Variants in RNF6 observed in about 807,000 individuals in gnomAD.
The protein encoded by RNF6 is ring finger protein 6.
RNF6 carries 21 observed loss-of-function variants against 50.1 expected under a neutral mutation model. The observed-to-expected ratio is 0.42, with a 90% CI of 0.30 to 0.60. The LOEUF is 0.60. Among genes scored for constraint, RNF6 ranks in the 20% least tolerant of loss-of-function variants. The pLI is 0.20. For synonymous variants in RNF6, 255 were observed against 291.8 expected (o/e 0.87, Z 1.29); for missense variants, 698 against 838.2 (o/e 0.83, Z 2.07).
chr13:26,208,813 G>A (rs1473603327), downstream of RNF6, among the ~76,000 whole-genome samples: 2 of 152,140 alleles, frequency 1.3e-5, no homozygotes, highest in African/African-American at 4.8e-5. Flanking sequence ...GCCTTCTATC[G>A]TACAATGCAC....
At chr13:26,217,788 C>G (rs1334570613) in intron 4 of RNF6, among the ~76,000 whole-genome samples, 1 of 152,194 alleles carries the variant, frequency 6.6e-6, no homozygotes, top group Non-Finnish European at 1.5e-5. Flanking sequence ...ATGTGGCTAG[C>G]AGCTACTGTA....
At chr13:26,159,711 C>T (rs986154424) in intron 5 of RNF6, among the ~76,000 whole-genome samples, 1 of 151,876 alleles carries the variant, frequency 6.6e-6, no homozygotes, top group Non-Finnish European at 1.5e-5. Context: ...AATATCCTGC[C>T]TAGGGAATTC....
Position 26,153,842 on chromosome 13 carries a change from C to T in RNF6, n.769-21391G>A, listed in dbSNP as rs551144860. Among the ~76,000 whole-genome samples the T allele has an allele frequency of 3.0e-4, 46 of 152,256 alleles. No individual in the cohort carries two copies. The Middle Eastern group carries it at 0.01, about 34-fold the overall frequency. On this transcript the variant is annotated intron_variant and non_coding_transcript_variant, in intron 5 of 5. Coordinates refer to the RNF6 transcript ENST00000468480. Reference sequence around the variant, plus strand: ...TAAAGATCTCGATCAGGATGAACTGCGGGCCAGAGCATCTATTGCTCATCC... The same window carrying T: ...TAAAGATCTCGATCAGGATGAACTGTGGGCCAGAGCATCTATTGCTCATCC...
intron 5 of RNF6, among the ~76,000 whole-genome samples, chr13:26,205,774 G>A (rs1012901186): frequency 6.6e-6 from 1 of 152,228 alleles, no homozygotes; most frequent in African/African-American, 2.4e-5. Flanking sequence ...AGCACTTTCA[G>A]AGGCCAAGGC....
chr13:26,220,881 C>T (rs1870412119), intron 2 of RNF6, among the ~76,000 whole-genome samples: 1 of 152,182 alleles, frequency 6.6e-6, no homozygotes, highest in Non-Finnish European at 1.5e-5. Flanking sequence ...AATTAGCCTA[C>T]AAGTCTAAAA....
chr13:26,215,659 T>C (rs1231800249), intron 4 of RNF6, 67 bp from the exon 5 acceptor site: 7 of 1,363,070 alleles, frequency 5.1e-6, no homozygotes, highest in Non-Finnish European at 6.8e-6. Flanking sequence ...TATTGAAAAC[T>C]TGTAAGAAAA....
intron 4 of RNF6, among the ~76,000 whole-genome samples, chr13:26,217,296 A>G (rs1241330438): frequency 1.3e-5 from 2 of 152,256 alleles, no homozygotes; most frequent in African/African-American, 2.4e-5. Flanking sequence ...GCAGGTGAAC[A>G]TGAATTATTT....
At chr13:26,202,741 T>C (rs1868943581) in intron 5 of RNF6, among the ~76,000 whole-genome samples, 1 of 152,198 alleles carries the variant, frequency 6.6e-6, no homozygotes, top group African/African-American at 2.4e-5. Context: ...AAAAATAGTA[T>C]GGTACATTTA....
chr13:26,183,269 G>T (rs568077338), intron 5 of RNF6, among the ~76,000 whole-genome samples: 3 of 152,240 alleles, frequency 2.0e-5, no homozygotes, highest in African/African-American at 7.2e-5. Flanking sequence ...TGACACACGA[G>T]AACAGATTCA....
intron 5 of RNF6, among the ~76,000 whole-genome samples, chr13:26,205,442 A>T (rs1286893252): frequency 3.9e-5 from 6 of 152,180 alleles, no homozygotes; most frequent in Admixed American, 2.0e-4. Flanking sequence ...ATTGTTTCTC[A>T]ATAGGACTGG....
chr13:26,205,563 T>C (rs1406855523), intron 5 of RNF6, among the ~76,000 whole-genome samples: 1 of 152,210 alleles, frequency 6.6e-6, no homozygotes, highest in Non-Finnish European at 1.5e-5. Flanking sequence ...AAACCTTGCT[T>C]TTCACCTGAA....
At chr13:26,185,729 C>T (rs1873486539) in intron 5 of RNF6, among the ~76,000 whole-genome samples, 1 of 152,078 alleles carries the variant, frequency 6.6e-6, no homozygotes, top group Non-Finnish European at 1.5e-5. Flanking sequence ...CTGGGCAAAA[C>T]GAGCGAAACC....
chr13:26,197,179 A>T (rs1868699181), intron 5 of RNF6, among the ~76,000 whole-genome samples: 1 of 151,870 alleles, frequency 6.6e-6, no homozygotes, highest in African/African-American at 2.4e-5. Context: ...TCCTGGGATG[A>T]TCCAGCACAC....
rs538031530 is a variant in RNF6 at position 26,188,177 on chromosome 13, C to T, written n.768+27297G>A. Among the ~76,000 whole-genome samples, 20 of 152,280 alleles carry T rather than the reference C, an allele frequency of 1.3e-4. No individual in the cohort carries two copies. The South Asian group carries it at 2.5e-3, about 19-fold the overall frequency. ...GGAGACTTTCAGATTGATGCAGTGG[C>T]TCCAAGGCGAAGTGACCTCAATTGC... On this transcript the variant is annotated intron_variant and non_coding_transcript_variant, in intron 5 of 5. Coordinates refer to the RNF6 transcript ENST00000468480.
Position 26,214,087 on chromosome 13 carries a change from C to T in RNF6, c.1795G>A (p.Asp599Asn). ...GTTAAACCACGTATTCGATCATCAT[C>T]ATCACTTTCATTTAGTAAAAAAAAG... is the stretch of plus-strand genomic sequence containing the variant. ...AHFFLLNESDDDDRIRGLTKE... is the reference protein window; with the variant it reads ...AHFFLLNESDNDDRIRGLTKE... The change falls in exon 5 of 5, where the codon GAT (aspartate) becomes AAT (asparagine). Residue 599 changes from aspartate (D) to asparagine (N), a missense_variant. Coordinates refer to ENST00000381588, the MANE Select transcript of RNF6 (RefSeq NM_005977.4). 6.2e-7 allele frequency: 1 copy of T among 1,614,162 alleles called. No individual in the cohort carries two copies. Among genetic ancestry groups the T allele is most frequent in the Non-Finnish European group, 8.5e-7 (1 of 1,180,040 alleles).
At chr13:26,207,230 C>CAA (rs35773834) in intron 5 of RNF6, among the ~76,000 whole-genome samples, 17 of 136,354 alleles carry the variant, frequency 1.2e-4, no homozygotes, top group South Asian at 9.2e-4. Context: ...ACAGCATGGG[C>CAA]AAAAAAAAAA....
chr13:26,196,762 A>G (rs1212657893), intron 5 of RNF6, among the ~76,000 whole-genome samples: 1 of 152,000 alleles, frequency 6.6e-6, no homozygotes, highest in African/African-American at 2.4e-5. Context: ...TAGAGATGCA[A>G]ATCTGTAGAA....
intron 5 of RNF6, among the ~76,000 whole-genome samples, chr13:26,204,959 G>A (rs1273888414): frequency 6.6e-6 from 1 of 152,156 alleles, no homozygotes; most frequent in East Asian, 1.9e-4. Context: ...GGTGAACAGA[G>A]ACCATACTCT....
At chr13:26,140,315 C>G (rs896588037) in intron 5 of RNF6, among the ~76,000 whole-genome samples, 2 of 152,160 alleles carry the variant, frequency 1.3e-5, no homozygotes, top group Admixed American at 1.3e-4. Context: ...AGAATCACAG[C>G]AGACTCAGAG....
Sources: gnomAD v4.1 joint callset for allele counts (sites outside exome capture counted in the v4.1 genomes callset) on GRCh38, gnomAD v4.1.1 for gene constraint, MANE v1.5 for transcripts, NCBI Gene and HGNC (gene_info 2026-07-23, HGNC 2026-07-21) for gene names.